Variants in TET1 observed in about 807,000 individuals in gnomAD.
TET1 encodes tet methylcytosine dioxygenase 1.
A neutral mutation model predicts 148.7 loss-of-function variants in TET1; 13 were observed. The ratio of observed to expected loss-of-function variants is 0.09; its 90% CI spans 0.06 to 0.14. The LOEUF is 0.14. Among genes scored for constraint, TET1 ranks in the 10% least tolerant of loss-of-function variants. TET1 has a pLI of 1.00. For missense variants in TET1, 2,182 were observed against 2,553.8 expected, an observed-to-expected ratio of 0.85 and a Z score of 3.14; for synonymous variants, 907 against 937.2, an observed-to-expected ratio of 0.97 and a Z score of 0.59.
rs754279035 is a variant in TET1, at chr10:68,645,383, G to T, written c.2654G>T (p.Arg885Ile). The change falls in exon 4 of 12, where the codon AGA becomes ATA. Residue 885 changes from arginine to isoleucine, a missense_variant. Coordinates refer to ENST00000373644, the MANE Select transcript of TET1 (RefSeq NM_030625.3). ...CTCTTATCGTTAATGAAAGATAGGA[G>T]ATTAACATTGGAGCAAGTGGTAGCC... ...PSLLSLMKDR[R>I]LTLEQVVAIE... 3 of 1,614,090 alleles carry T rather than the reference G, an allele frequency of 1.9e-6. No homozygotes were observed. The highest frequency in any genetic ancestry group is 1.7e-5 in the Admixed American group (1 of 60,018).
At chr10:68,612,848 G>C (rs1166940190) in intron 3 of TET1, among the ~76,000 whole-genome samples, 1 of 152,072 alleles carries the variant, frequency 6.6e-6, no homozygotes, top group Non-Finnish European at 1.5e-5. Flanking sequence ...GAACTCTTGA[G>C]CTCAACTGAT....
At chr10:68,636,011 G>A (rs1460101331) in intron 3 of TET1, among the ~76,000 whole-genome samples, 1 of 152,162 alleles carries the variant, frequency 6.6e-6, no homozygotes. Flanking sequence ...TAAGTCTGTG[G>A]TATTTAAGAA....
intron 1 of TET1, among the ~76,000 whole-genome samples, chr10:68,565,727 C>T (rs573943985): frequency 3.9e-5 from 6 of 152,190 alleles, no homozygotes; most frequent in Admixed American, 6.5e-5. Flanking sequence ...TCCGTGAGTT[C>T]GGCTCTTGGG....
intron 6 of TET1, among the ~76,000 whole-genome samples, chr10:68,661,598 C>T (rs3956963): frequency 0.044 from 6,622 of 151,596 alleles, 480 homozygotes; most frequent in African/African-American, 0.15. Context: ...ATCCTCCTTC[C>T]TCAGCCTCCC....
chr10:68,572,538 C>A lies in TET1; in HGVS notation c.200C>A (p.Pro67His), dbSNP rs754556136. The change falls in exon 2 of 12, where the codon CCC becomes CAC. Residue 67 changes from proline (P) to histidine (H), a missense_variant. This residue lies in a region of TET1 where 665 missense variants were observed against 672.4 expected (regional missense o/e 0.99). Coordinates refer to ENST00000373644, the MANE Select transcript of TET1 (RefSeq NM_030625.3). ...AAGAAAAAAACAGAACCTAAACCAC[C>A]CGTGCCAGTCAGAAGCCTTCTGACA... ...DVKKKTEPKP[P>H]VPVRSLLTRA... 6.2e-7 allele frequency: 1 copy of A among 1,613,856 alleles called. No homozygotes were observed. Among genetic ancestry groups the A allele is most frequent in the South Asian group, 1.1e-5 (1 of 91,016 alleles).
chr10:68,683,083 G>A, intron 10 of TET1, 110 bp downstream of exon 10: 2 of 1,301,566 alleles, frequency 1.5e-6, no homozygotes, highest in African/African-American at 1.6e-5. Context: ...TAATTTATGT[G>A]TTATTAGAAA....
In TET1 at chr10:68,686,484, C is replaced by T. The variant is rs777794371; in HGVS notation, c.5181C>T (p.Ala1727=). The T allele has an allele frequency of 6.2e-7, 1 of 1,614,042 alleles. No homozygotes were observed. The highest frequency in any genetic ancestry group is 1.1e-5 in the South Asian group (1 of 91,082). ...DEFGSKEGME[A]KIKSGAIEVL... ...TTGGCTCCAAGGAAGGAATGGAAGCCAAGATCAAATCTGGGGCCATCGAGG... is the reference window on the plus strand; with the variant it reads ...TTGGCTCCAAGGAAGGAATGGAAGCTAAGATCAAATCTGGGGCCATCGAGG... Residue 1727 remains alanine (A), a synonymous_variant, in exon 11 of 12, where the codon GCC becomes GCT. Transcript: ENST00000373644.
At chr10:68,664,289 G>A (rs1021969467) in intron 6 of TET1, among the ~76,000 whole-genome samples, 2 of 151,756 alleles carry the variant, frequency 1.3e-5, no homozygotes, top group Non-Finnish European at 2.9e-5. Context: ...TGTATATGTT[G>A]TGTCGTATAT....
chr10:68,589,725 A>G (rs1305136876), intron 2 of TET1, among the ~76,000 whole-genome samples: 21 of 145,224 alleles, frequency 1.4e-4, no homozygotes, highest in Non-Finnish European at 3.1e-4. Context: ...AGGCTGGAAT[A>G]CAGTAGTGAC....
At chr10:68,661,818 A>C (rs12360140) in intron 6 of TET1, among the ~76,000 whole-genome samples, 4,206 of 150,650 alleles carry the variant, frequency 0.028, 65 homozygotes, top group Middle Eastern at 0.041. Context: ...TTGTTAAAAA[A>C]ACACACACAC....
chr10:68,628,415 C>T (rs1435735236), intron 3 of TET1, among the ~76,000 whole-genome samples: 2 of 152,156 alleles, frequency 1.3e-5, no homozygotes, highest in African/African-American at 4.8e-5. Context: ...GCCAGTATTA[C>T]AATTCCTTTA....
chr10:68,624,479 G>C (rs970854919), intron 3 of TET1, among the ~76,000 whole-genome samples: 1 of 151,688 alleles, frequency 6.6e-6, no homozygotes, highest in African/African-American at 2.4e-5. Flanking sequence ...AGTAGAGGCA[G>C]GGTTTCTCCA....
At chr10:68,639,364 G>A (rs2054704094) in intron 3 of TET1, among the ~76,000 whole-genome samples, 1 of 151,944 alleles carries the variant, frequency 6.6e-6, no homozygotes, top group South Asian at 2.1e-4. Flanking sequence ...GGAGGTTGCA[G>A]TGAGCTGAGA....
intron 8 of TET1, among the ~76,000 whole-genome samples, chr10:68,676,264 ATATATTTTTTT>A (rs1241333272): frequency 2.6e-4 from 4 of 15,406 alleles, no homozygotes; most frequent in African/African-American, 6.7e-4. Context: ...ATATATATAT[ATATATTTTTTT>A]TTTTTTTTTT....
At chr10:68,583,370 A>G (rs759550687) in intron 2 of TET1, among the ~76,000 whole-genome samples, 1 of 152,188 alleles carries the variant, frequency 6.6e-6, no homozygotes, top group Non-Finnish European at 1.5e-5. Context: ...TTATTATCAT[A>G]CTAAAATAAG....
intron 1 of TET1, among the ~76,000 whole-genome samples, chr10:68,571,048 TG>T (rs2053664272): frequency 6.6e-6 from 1 of 151,974 alleles, no homozygotes; most frequent in Non-Finnish European, 1.5e-5. Context: ...TGGAGTGCAA[TG>T]GTGCAATCTC....
At chr10:68,613,763 C>G (rs1238878916) in intron 3 of TET1, among the ~76,000 whole-genome samples, 1 of 151,984 alleles carries the variant, frequency 6.6e-6, no homozygotes, top group Non-Finnish European at 1.5e-5. Context: ...ATGGTGAAAC[C>G]CTGTCTCTAC....
At chr10:68,597,029 G>GTTTTTTTTTTTTTTT (rs1446597252) in intron 2 of TET1, among the ~76,000 whole-genome samples, 2 of 90,298 alleles carry the variant, frequency 2.2e-5, no homozygotes, top group Admixed American at 1.2e-4. Flanking sequence ...ACAGCTAATG[G>GTTTTTTTTTTTTTTT]ATTTTTTTTT....
intron 2 of TET1, among the ~76,000 whole-genome samples, chr10:68,595,153 G>GAA (rs113065548): frequency 0.062 from 8,421 of 135,366 alleles, 557 homozygotes; most frequent in African/African-American, 0.18. Context: ...ACCCTATCAA[G>GAA]AAAAAAAAAA....
Sources: allele counts gnomAD v4.1 joint callset (sites outside exome capture counted in the v4.1 genomes callset), GRCh38; gene constraint gnomAD v4.1.1; regional missense constraint gnomAD v4.1.1; transcripts MANE v1.5; gene names NCBI Gene and HGNC (gene_info 2026-07-23, HGNC 2026-07-21).